The following SPON1 variants were observed in gnomAD, a reference collection of about 807,000 sequenced individuals.
SPON1 encodes the protein spondin-1.
Under a neutral mutation model 111.7 loss-of-function variants are expected in SPON1, and 52 were observed. That is an observed-to-expected ratio of 0.47 (90% CI 0.37 to 0.59). The LOEUF is 0.59. Among genes scored for constraint, SPON1 ranks in the 20% least tolerant of loss-of-function variants. The pLI is 0.00. For synonymous variants in SPON1, 410 were observed against 395.8 expected (o/e 1.04, Z -0.43); for missense variants, 957 against 1,068.5 (o/e 0.90, Z 1.46).
At chr11:14,064,766 A>G (rs1200559279) in intron 3 of SPON1, among the ~76,000 whole-genome samples, 1 of 152,070 alleles carries the variant, frequency 6.6e-6, no homozygotes, top group African/African-American at 2.4e-5. Context: ...GCATAGGTAA[A>G]TGGGATGGGT....
intron 6 of SPON1, among the ~76,000 whole-genome samples, chr11:14,143,364 C>A (rs1554928997): frequency 6.6e-6 from 1 of 152,052 alleles, no homozygotes; most frequent in Non-Finnish European, 1.5e-5. Context: ...GAGTTCAAGA[C>A]CAGCCTGGGC....
At chr11:13,993,154 G>A (rs1352998081) in intron 2 of SPON1, among the ~76,000 whole-genome samples, 1 of 152,014 alleles carries the variant, frequency 6.6e-6, no homozygotes, top group Non-Finnish European at 1.5e-5. Flanking sequence ...CACAACAAAA[G>A]CAAATTTTAA....
At chr11:14,252,670 A>G (rs1384395947) in intron 7 of SPON1, among the ~76,000 whole-genome samples, 3 of 149,398 alleles carry the variant, frequency 2.0e-5, no homozygotes, top group Non-Finnish European at 4.4e-5. Flanking sequence ...ATCCAGCGCT[A>G]TGTACTTGCC....
intron 6 of SPON1, among the ~76,000 whole-genome samples, chr11:14,152,225 AGAG>A (rs1847796629): frequency 6.6e-6 from 1 of 152,226 alleles, no homozygotes; most frequent in African/African-American, 2.4e-5. Flanking sequence ...GTTCACTGAC[AGAG>A]GGACTCCTTT....
intron 3 of SPON1, among the ~76,000 whole-genome samples, chr11:14,067,234 T>C (rs577270472): frequency 3.9e-5 from 6 of 152,222 alleles, no homozygotes; most frequent in African/African-American, 1.2e-4. Context: ...TGCAACCTTG[T>C]GGCCTACATA....
At chr11:14,194,288 C>T (rs1333162157) in intron 6 of SPON1, among the ~76,000 whole-genome samples, 2 of 152,218 alleles carry the variant, frequency 1.3e-5, no homozygotes, top group East Asian at 3.9e-4. Context: ...AGTCCTTACA[C>T]AGCATACACC....
chr11:14,104,268 A>G (rs1292321212), intron 5 of SPON1, among the ~76,000 whole-genome samples: 1 of 150,898 alleles, frequency 6.6e-6, no homozygotes, highest in African/African-American at 2.4e-5. Context: ...ACTTATTTTA[A>G]CCCTAGTCCG....
chr11:14,024,146 C>G (rs1848500660), intron 2 of SPON1, among the ~76,000 whole-genome samples: 1 of 152,152 alleles, frequency 6.6e-6, no homozygotes, highest in Non-Finnish European at 1.5e-5. Flanking sequence ...GTGCAGAGGT[C>G]ATGGGGAGCA....
At chr11:14,236,819 G>A (rs144427755) in intron 6 of SPON1, among the ~76,000 whole-genome samples, 4 of 152,336 alleles carry the variant, frequency 2.6e-5, no homozygotes, top group African/African-American at 9.6e-5. Context: ...CTGCTGAGGG[G>A]TCACAAGAGC....
intron 6 of SPON1, among the ~76,000 whole-genome samples, chr11:14,202,812 A>C (rs1349438270): frequency 6.6e-6 from 1 of 152,056 alleles, no homozygotes; most frequent in Non-Finnish European, 1.5e-5. Flanking sequence ...TTCAAGTTTC[A>C]AGGCCATCTC....
chr11:14,216,616 G>T (rs1489040039), intron 6 of SPON1, among the ~76,000 whole-genome samples: 1 of 150,114 alleles, frequency 6.7e-6, no homozygotes, highest in Non-Finnish European at 1.5e-5. Context: ...TCCCATGGCA[G>T]AAGGCAGAAG....
At chr11:14,199,969 T>A (rs1848444010) in intron 6 of SPON1, among the ~76,000 whole-genome samples, 1 of 152,208 alleles carries the variant, frequency 6.6e-6, no homozygotes, top group Non-Finnish European at 1.5e-5. Flanking sequence ...CCGCTTACAG[T>A]ACCCTCAAAG....
intron 15 of SPON1, among the ~76,000 whole-genome samples, chr11:14,263,750 C>A (rs11023165): frequency 1.3e-5 from 2 of 151,636 alleles, no homozygotes; most frequent in Non-Finnish European, 2.9e-5. Flanking sequence ...CATTCCAGGC[C>A]GGGCACGGTG....
intron 6 of SPON1, among the ~76,000 whole-genome samples, chr11:14,212,900 C>G (rs1554936854): frequency 6.6e-6 from 1 of 152,148 alleles, no homozygotes; most frequent in East Asian, 1.9e-4. Flanking sequence ...AAAGATGGGT[C>G]TATGCTGTGA....
At chr11:14,054,577 T>TC (rs367763779) in intron 3 of SPON1, among the ~76,000 whole-genome samples, 2 of 151,584 alleles carry the variant, frequency 1.3e-5, no homozygotes, top group Admixed American at 6.6e-5. Context: ...TTTTTTTTTT[T>TC]CCTCCTAAAG....
At chr11:14,214,264 G>A (rs1178602919) in intron 6 of SPON1, among the ~76,000 whole-genome samples, 1 of 152,218 alleles carries the variant, frequency 6.6e-6, no homozygotes, top group Non-Finnish European at 1.5e-5. Flanking sequence ...GAATGAGGAA[G>A]CGTTGGAAGA....
chr11:14,123,537 C>T (rs782187765), intron 5 of SPON1, among the ~76,000 whole-genome samples: 5 of 152,080 alleles, frequency 3.3e-5, no homozygotes, highest in African/African-American at 1.2e-4. Flanking sequence ...ATTGTGTGAC[C>T]TCTAGAATCT....
intron 1 of SPON1, among the ~76,000 whole-genome samples, chr11:13,981,502 ATT>A (rs1294485112): frequency 2.0e-5 from 3 of 152,078 alleles, no homozygotes; most frequent in Non-Finnish European, 2.9e-5. Flanking sequence ...AATTGTTTGT[ATT>A]TTTAGTAGAG....
intron 5 of SPON1, among the ~76,000 whole-genome samples, chr11:14,096,661 G>A (rs1441190791): frequency 3.3e-5 from 5 of 152,096 alleles, no homozygotes; most frequent in Non-Finnish European, 5.9e-5. Flanking sequence ...TCTCCCTCCT[G>A]GTTCCTGAAA....
Sources: allele counts gnomAD v4.1 joint callset (sites outside exome capture counted in the v4.1 genomes callset), GRCh38; gene constraint gnomAD v4.1.1; transcripts MANE v1.5; gene names NCBI Gene and HGNC (gene_info 2026-07-23, HGNC 2026-07-21).